The following TMEM239 variants were observed in gnomAD, a reference collection of about 807,000 sequenced individuals.
The protein encoded by TMEM239 is transmembrane protein 239.
TMEM239 carries 10 observed loss-of-function variants against 14.6 expected under a neutral mutation model. That is an observed-to-expected ratio of 0.68 (90% CI 0.42 to 1.16). The LOEUF (loss-of-function observed/expected upper bound fraction) is 1.16. Among genes scored for constraint, TMEM239 ranks in the 50% most tolerant of loss-of-function variants. TMEM239 has a pLI of 0.00. For synonymous variants in TMEM239, 94 were observed against 89.9 expected (o/e 1.05, Z -0.26); for missense variants, 183 against 194.4 (o/e 0.94, Z 0.35).
chr20:2,816,183 A>G (rs2088666302), upstream of TMEM239: 26 of 646,582 alleles, frequency 4.0e-5, no homozygotes, highest in South Asian at 5.0e-4. Context: ...ATGAGAAACT[A>G]CATCTGCGGG....
downstream of TMEM239, chr20:2,819,562 G>A (rs6037419): frequency 0.16 from 24,028 of 150,408 alleles, 3,151 homozygotes; most frequent in African/African-American, 0.36. Context: ...CAGACAGGCC[G>A]AATCAGAGTC....
Position 2,817,306 on chromosome 20 carries a change from A to T in TMEM239, c.*293A>T. 1.8e-6 allele frequency: 1 copy of T among 570,940 alleles called. No homozygotes were observed. Among genetic ancestry groups the T allele is most frequent in the Non-Finnish European group, 3.1e-6 (1 of 322,764 alleles). 35.4% of individuals were successfully genotyped at this position (570,940 alleles called of 1,614,324 possible). On this transcript the variant is annotated 3_prime_UTR_variant, in exon 2 of 2. Transcript: ENST00000380585. ...CTTGACCAAGCCACTGATAGCGCCCATATGGATGTGATGATACCCGTGGGG... is the reference window on the plus strand; with the variant it reads ...CTTGACCAAGCCACTGATAGCGCCCTTATGGATGTGATGATACCCGTGGGG...
rs2088691691 is a variant in TMEM239, at chr20:2,817,486, G to T, written c.*473G>T. 1 of 191,310 alleles carries T rather than the reference G, an allele frequency of 5.2e-6. No individual in the cohort carries two copies. Among genetic ancestry groups the T allele is most frequent in the Admixed American group, 5.3e-5 (1 of 18,844 alleles). The allele number at this position is 191,310 out of a possible 1,614,324, so 11.9% of individuals were successfully genotyped here. On this transcript the variant is annotated 3_prime_UTR_variant, in exon 2 of 2. Coordinates refer to ENST00000380585, the MANE Select transcript of TMEM239 (RefSeq NM_001167670.3). ...CAGGAGAACCACAGACTCTAGAGAG[G>T]GTCCCAGTGACAAAAATCTATCAGG...
rs1292048078 is a variant in TMEM239, at chr20:2,816,924, T to A, written c.370T>A (p.Phe124Ile). The A allele has an allele frequency of 1.3e-6, 2 of 1,539,526 alleles. No homozygotes were observed. The highest frequency in any genetic ancestry group is 1.7e-6 in the Non-Finnish European group (2 of 1,147,070). The change falls in exon 2 of 2, where the codon TTC becomes ATC. Residue 124 changes from phenylalanine to isoleucine, a missense_variant. Phe to Ile is a conservative substitution (Grantham distance 21). Transcript: ENST00000380585. ...ALPALLFTAS[F>I]LLLFSTLLSL... ...GCCTGCCCTCCTCTTCACGGCCTCCTTCCTGCTGCTCTTCTCCACACTGCT... is the reference window on the plus strand; with the variant it reads ...GCCTGCCCTCCTCTTCACGGCCTCCATCCTGCTGCTCTTCTCCACACTGCT...
intron 1 of TMEM239, 29 bp from the exon 2 acceptor site, chr20:2,816,515 C>A: frequency 6.7e-7 from 1 of 1,491,018 alleles, no homozygotes; most frequent in Non-Finnish European, 8.9e-7. Context: ...AGGTCCCAGG[C>A]ATCTTCAAGA....
chr20:2,816,653 G>C lies in TMEM239; in HGVS notation c.99G>C (p.Trp33Cys). 1 of 1,541,846 alleles carries C rather than the reference G, an allele frequency of 6.5e-7. No homozygotes were observed. Among genetic ancestry groups the C allele is most frequent in the South Asian group, 1.2e-5 (1 of 83,930 alleles). The change falls in exon 2 of 2, where the codon TGG becomes TGC. Residue 33 changes from tryptophan (W) to cysteine (C), a missense_variant. Trp to Cys is a radical substitution (Grantham distance 215). Transcript: ENST00000380585. ...PWSAWVTRHG[W>C]VRWWVSHMPP... ...CAGCCTGGGTCACGAGGCATGGCTG[G>C]GTGCGCTGGTGGGTGAGCCACATGC...
Position 2,817,374 on chromosome 20 carries a change from G to C in TMEM239, c.*361G>C, listed in dbSNP as rs1040695309. ...AGCATCTTTTTCTCATAGCCACTCA[G>C]CTGTCTCAGCTTCAGACTCACTGAG... On this transcript the variant is annotated 3_prime_UTR_variant, in exon 2 of 2. Coordinates refer to ENST00000380585, the MANE Select transcript of TMEM239 (RefSeq NM_001167670.3). 18 of 446,226 alleles carry C rather than the reference G, an allele frequency of 4.0e-5. No individual in the cohort carries two copies. The highest frequency in any genetic ancestry group is 6.8e-5 in the Non-Finnish European group (17 of 250,118). The allele number at this position is 446,226 out of a possible 1,614,324, so 27.6% of individuals were successfully genotyped here.
chr20:2,816,498 C>T (rs765799574), intron 1 of TMEM239, 46 bp from the exon 2 acceptor site: 17 of 1,530,970 alleles, frequency 1.1e-5, no homozygotes, highest in African/African-American at 9.7e-5. Context: ...TCTGCCCCCC[C>T]CCCCCAAGGT....
At position 2,817,743 on chromosome 20, in the gene TMEM239, C is replaced by T. The variant is rs2088694577; in HGVS notation, c.*730C>T. On this transcript the variant is annotated 3_prime_UTR_variant, in exon 2 of 2. Transcript: ENST00000380585. ...TTTCACCCACTTACACAATGTGTGG[C>T]CTTGGCCAATTAATTCATTTGAGCC... 6.6e-6 allele frequency: 1 copy of T among 152,502 alleles called. No homozygotes were observed. The highest frequency in any genetic ancestry group is 6.5e-5 in the Admixed American group (1 of 15,300). The allele number at this position is 152,502 out of a possible 1,614,324, so 9.4% of individuals were successfully genotyped here. A position where few individuals can be genotyped will look rare whatever the true frequency, so the allele number is the denominator to read the frequency against.
downstream of TMEM239, chr20:2,819,542 GGCCCTGCTCCAGACA>G (rs2088705904): frequency 1.3e-5 from 2 of 151,934 alleles, no homozygotes; most frequent in African/African-American, 2.4e-5. Flanking sequence ...TACAGTCTCA[GGCCCTGCTCCAGACA>G]GGCCGAATCA....
chr20:2,818,441 C>T (rs2146583707), downstream of TMEM239: 1 of 152,418 alleles, frequency 6.6e-6, no homozygotes, highest in Non-Finnish European at 1.5e-5. Flanking sequence ...CCAAGGTCCC[C>T]CTCTTTTGTC....
At chr20:2,816,202 G>C (rs2088666770), upstream of TMEM239, 2 of 725,416 alleles carry the variant, frequency 2.8e-6, no homozygotes, top group Non-Finnish European at 4.5e-6. Context: ...GGGCTCCGAG[G>C]CTCCCCTGCC....
At position 2,816,854 on chromosome 20, in the gene TMEM239, G is replaced by A. The variant is rs965800224; in HGVS notation, c.300G>A (p.Trp100Ter). The change falls in exon 2 of 2, where the codon TGG becomes TGA. Residue 100 changes from tryptophan (W) to a stop codon, truncating the protein, a stop_gained. Transcript: ENST00000380585. LOFTEE classifies it high-confidence loss of function. Reference protein sequence around the residue: ...SSLWPVVAAVWRHLLPALLLL... With the variant: ...SSLWPVVAAV Reference sequence around the variant, plus strand: ...TGTGGCCTGTCGTGGCCGCGGTGTGGCGCCACCTGCTACCGGCTCTCCTGC... The same window carrying A: ...TGTGGCCTGTCGTGGCCGCGGTGTGACGCCACCTGCTACCGGCTCTCCTGC... 32 of 1,547,204 alleles carry A rather than the reference G, an allele frequency of 2.1e-5. No individual in the cohort carries two copies. Among genetic ancestry groups the A allele is most frequent in the Middle Eastern group, 3.3e-4 (2 of 6,010 alleles).
At chr20:2,815,876 C>G, upstream of TMEM239, 1 of 947,130 alleles carries the variant, frequency 1.1e-6, no homozygotes, top group East Asian at 2.4e-5. Flanking sequence ...GGGATGATAC[C>G]CCTTTCTTCC....
upstream of TMEM239, chr20:2,815,846 TC>T: frequency 4.8e-5 from 66 of 1,365,620 alleles, no homozygotes; most frequent in Non-Finnish European, 6.2e-5. Context: ...CCCCCTTTTC[TC>T]CTTCCTGGCT....
rs750665773 is a variant in TMEM239 at position 2,817,325 on chromosome 20, C to T, written c.*312C>T. 10 of 508,576 alleles carry T rather than the reference C, an allele frequency of 2.0e-5. No individual in the cohort carries two copies. The highest frequency in any genetic ancestry group is 1.1e-4 in the South Asian group (3 of 26,980). 31.5% of individuals were successfully genotyped at this position (508,576 alleles called of 1,614,324 possible). ...GCGCCCATATGGATGTGATGATACC[C>T]GTGGGGCCCCCTTGGCAACTGACAG... On this transcript the variant is annotated 3_prime_UTR_variant, in exon 2 of 2. Coordinates refer to ENST00000380585, the MANE Select transcript of TMEM239 (RefSeq NM_001167670.3).
chr20:2,816,346 G>A, upstream of TMEM239: 1 of 1,535,946 alleles, frequency 6.5e-7, no homozygotes, highest in Admixed American at 2.0e-5. Flanking sequence ...TGAGAGTGGG[G>A]ACTTGGATCT....
At chr20:2,815,845 C>CTTTTT (rs772384415), upstream of TMEM239, 9 of 1,367,256 alleles carry the variant, frequency 6.6e-6, no homozygotes, top group Non-Finnish European at 9.1e-6. Flanking sequence ...GCCCCCTTTT[C>CTTTTT]TCCTTCCTGG....
upstream of TMEM239, chr20:2,816,280 G>A (rs2088667567): frequency 1.3e-6 from 2 of 1,482,752 alleles, no homozygotes; most frequent in African/African-American, 1.4e-5. Flanking sequence ...TCTCTTGGCT[G>A]GACCCCACCC....
Sources: allele counts gnomAD v4.1 joint callset, GRCh38; gene constraint gnomAD v4.1.1; transcripts MANE v1.5; gene names NCBI Gene and HGNC (gene_info 2026-07-23, HGNC 2026-07-21).